The following TRAF3IP3 variants were observed in gnomAD, a reference collection of about 807,000 sequenced individuals.
TRAF3IP3 encodes the protein TRAF3-interacting JNK-activating modulator.
Under a neutral mutation model 86.5 loss-of-function variants are expected in TRAF3IP3, and 64 were observed. The observed-to-expected ratio is 0.74, with a 90% CI of 0.60 to 0.91. The LOEUF is 0.91. Ranked by LOEUF, TRAF3IP3 falls within the 40% of genes least tolerant of loss-of-function variation. The pLI is 0.00. For missense variants in TRAF3IP3, 579 were observed against 642.9 expected (o/e 0.90, Z 1.07); for synonymous variants, 220 against 243.9 (o/e 0.90, Z 0.91).
intron 8 of TRAF3IP3, among the ~76,000 whole-genome samples, chr1:209,765,231 A>AG (rs1558013086): frequency 7.5e-5 from 3 of 39,798 alleles, no homozygotes; most frequent in Admixed American, 2.7e-4. Flanking sequence ...GAGAGAGAGG[A>AG]AGGAAGGAAG....
At chr1:209,757,883 G>A (rs1050372605) in intron 1 of TRAF3IP3, among the ~76,000 whole-genome samples, 1 of 152,210 alleles carries the variant, frequency 6.6e-6, no homozygotes, top group Non-Finnish European at 1.5e-5. Context: ...TACAAGGCAG[G>A]TCCTAGCCCC....
intron 3 of TRAF3IP3, among the ~76,000 whole-genome samples, chr1:209,760,947 A>C (rs1043287150): frequency 1.3e-5 from 2 of 152,208 alleles, no homozygotes; most frequent in African/African-American, 4.8e-5. Context: ...AAAACTTAAA[A>C]ATAAAATAAA....
At chr1:209,782,002 A>G in intron 16 of TRAF3IP3, 54 bp from the exon 17 acceptor site, 1 of 1,447,482 alleles carries the variant, frequency 6.9e-7, no homozygotes, top group Non-Finnish European at 9.7e-7. Context: ...TTTTGCCTAT[A>G]TCTTTTCCAA....
rs562398586 is a variant in TRAF3IP3 at position 209,761,931 on chromosome 1, C to T, written c.346-584C>T. Among the ~76,000 whole-genome samples, 11 of 152,384 alleles carry T rather than the reference C, an allele frequency of 7.2e-5. No individual in the cohort carries two copies. The East Asian group carries it at 2.1e-3, about 29-fold the overall frequency. On this transcript the variant is annotated intron_variant, in intron 3 of 16. Coordinates refer to ENST00000367025, the MANE Select transcript of TRAF3IP3 (RefSeq NM_025228.4). The stretch of plus-strand genomic sequence containing the variant: ...AGAGAAAACCTGGAGAAAAGTACAG[C>T]TCCACATATGCCTGGCCTGAGGAGG...
At position 209,766,993 on chromosome 1, in the gene TRAF3IP3, G is replaced by A. The variant is rs556901805; in HGVS notation, c.702+3406G>A. On this transcript the variant is annotated intron_variant, in intron 8 of 16. Coordinates refer to ENST00000367025, the MANE Select transcript of TRAF3IP3 (RefSeq NM_025228.4). The stretch of plus-strand genomic sequence containing the variant: ...AAGTAGAAGAGTGTTTAAGGTAAAG[G>A]AATTGGAATGATTACAGGCCTATGT... Among the ~76,000 whole-genome samples the A allele has an allele frequency of 2.4e-4, 36 of 152,318 alleles. No individual in the cohort carries two copies. In the South Asian group the frequency reaches 7.5e-3, roughly 32 times the overall value.
chr1:209,765,232 AG>A (rs2077329771), intron 8 of TRAF3IP3, among the ~76,000 whole-genome samples: 1 of 47,874 alleles, frequency 2.1e-5, no homozygotes, highest in Non-Finnish European at 4.8e-5. Context: ...AGAGAGAGGA[AG>A]GAAGGAAGGA....
intron 1 of TRAF3IP3, among the ~76,000 whole-genome samples, chr1:209,756,740 C>T (rs1642879927): frequency 6.6e-6 from 1 of 152,202 alleles, no homozygotes; most frequent in African/African-American, 2.4e-5. Flanking sequence ...ATGCAGGAAG[C>T]CATTCATTGT....
Position 209,775,466 on chromosome 1 carries a change from G to GAGCAGC in TRAF3IP3, c.894_899dup (p.Gln299_Gln300dup). 6.2e-7 allele frequency: 1 copy of GAGCAGC among 1,614,242 alleles called. No individual in the cohort carries two copies. Among genetic ancestry groups the GAGCAGC allele is most frequent in the Non-Finnish European group, 8.5e-7 (1 of 1,180,044 alleles). On this transcript the variant is annotated inframe_insertion, in exon 10 of 17. Transcript: ENST00000367025. ...AGTGCTGGAGGAGAAAATGAATGCA[G>GAGCAGC]AGCAGCAACTACAGAGCACACAGGT...
intron 8 of TRAF3IP3, among the ~76,000 whole-genome samples, chr1:209,772,527 AG>A (rs1240911057): frequency 6.6e-6 from 1 of 152,096 alleles, no homozygotes; most frequent in Non-Finnish European, 1.5e-5. Context: ...TTCTCCCGGG[AG>A]GGGAGACTGC....
intron 8 of TRAF3IP3, among the ~76,000 whole-genome samples, chr1:209,770,223 CCT>C (rs1170070190): frequency 6.6e-6 from 1 of 152,226 alleles, no homozygotes; most frequent in Non-Finnish European, 1.5e-5. Context: ...CCCCTGCCGC[CCT>C]CACTCTGCTT....
intron 2 of TRAF3IP3, among the ~76,000 whole-genome samples, chr1:209,759,530 G>T (rs1055731544): frequency 3.3e-5 from 5 of 152,202 alleles, no homozygotes; most frequent in Admixed American, 6.5e-5. Context: ...GACCAGTAAA[G>T]ATACTGACTT....
intron 1 of TRAF3IP3, chr1:209,758,450 G>T (rs913570007): frequency 2.0e-5 from 3 of 152,218 alleles, no homozygotes; most frequent in Non-Finnish European, 4.4e-5. Flanking sequence ...CCCCACCCAT[G>T]ACCCTGGGGA....
intron 3 of TRAF3IP3, among the ~76,000 whole-genome samples, chr1:209,761,540 A>G (rs564296513): frequency 1.3e-5 from 2 of 152,140 alleles, no homozygotes; most frequent in African/African-American, 2.4e-5. Context: ...TCAATAGGAG[A>G]TGCTGTTCAG....
At chr1:209,779,038 T>C in intron 13 of TRAF3IP3, 1 of 490,006 alleles carries the variant, frequency 2.0e-6, no homozygotes, top group East Asian at 3.8e-5. Context: ...TGTGTCCATA[T>C]TTCCCCTTCT....
chr1:209,763,751 A>T (rs1275993170), intron 8 of TRAF3IP3, among the ~76,000 whole-genome samples, 164 bp downstream of exon 8: 1 of 152,222 alleles, frequency 6.6e-6, no homozygotes, highest in African/African-American at 2.4e-5. Flanking sequence ...CCTAGAAGTC[A>T]AACAGGTCAC....
At chr1:209,777,121 C>T (rs570340488) in intron 11 of TRAF3IP3, 143 of 334,946 alleles carry the variant, frequency 4.3e-4, no homozygotes, top group African/African-American at 2.5e-3. Flanking sequence ...ATAAAAGACG[C>T]GAGTTCCTTG....
At chr1:209,759,564 G>A (rs1025697848) in intron 2 of TRAF3IP3, among the ~76,000 whole-genome samples, 1 of 152,192 alleles carries the variant, frequency 6.6e-6, no homozygotes, top group South Asian at 2.1e-4. Flanking sequence ...GGGGATAAGA[G>A]GGCAGATTGG....
chr1:209,771,923 G>T (rs1201985628), intron 8 of TRAF3IP3, among the ~76,000 whole-genome samples: 2 of 142,192 alleles, frequency 1.4e-5, no homozygotes, highest in African/African-American at 2.6e-5. Flanking sequence ...ATGGAGGTGT[G>T]CGTGTGCATA....
intron 8 of TRAF3IP3, among the ~76,000 whole-genome samples, chr1:209,765,423 T>C (rs79185203): frequency 0.04 from 6,149 of 152,232 alleles, 590 homozygotes; most frequent in East Asian, 0.3. Flanking sequence ...TCCCAGACTT[T>C]GGGAGGCCAA....
Sources: gnomAD v4.1 joint callset for allele counts (sites outside exome capture counted in the v4.1 genomes callset) on GRCh38, gnomAD v4.1.1 for gene constraint, MANE v1.5 for transcripts, NCBI Gene and HGNC (gene_info 2026-07-23, HGNC 2026-07-21) for gene names.